MBTPS1: variants seen among roughly 807,000 people sequenced by gnomAD.
The protein encoded by MBTPS1 is membrane-bound transcription factor site-1 protease.
MBTPS1 carries 94 observed loss-of-function variants against 127.8 expected under a neutral mutation model. The observed-to-expected ratio is 0.74, with a 90% CI of 0.62 to 0.87. MBTPS1 has a LOEUF of 0.87. MBTPS1 is among the 40% of genes least tolerant of loss of function. MBTPS1 has a pLI of 0.00. For synonymous variants in MBTPS1, 632 were observed against 509.4 expected (o/e 1.24, Z -3.24); for missense variants, 1,636 against 1,353.2 (o/e 1.21, Z -3.28).
chr16:84,082,529 G>A (rs80329682), intron 10 of MBTPS1, among the ~76,000 whole-genome samples: 6,557 of 152,194 alleles, frequency 0.043, 224 homozygotes, highest in African/African-American at 0.085. Context: ...AGTGTGACCT[G>A]GCTAGGAACT....
At chr16:84,059,037 A>C (rs936894896) in intron 21 of MBTPS1, among the ~76,000 whole-genome samples, 3 of 152,082 alleles carry the variant, frequency 2.0e-5, no homozygotes, top group Non-Finnish European at 4.4e-5. Context: ...CCATGAAATC[A>C]CTCTGTTGGA....
At chr16:84,096,485 C>A (rs974695754) in intron 3 of MBTPS1, among the ~76,000 whole-genome samples, 3 of 152,166 alleles carry the variant, frequency 2.0e-5, no homozygotes, top group Non-Finnish European at 2.9e-5. Context: ...ATCTGTAAGT[C>A]TCTTTATTTT....
At chr16:84,097,856 G>GTGTA (rs756629460) in intron 3 of MBTPS1, among the ~76,000 whole-genome samples, 46 of 151,552 alleles carry the variant, frequency 3.0e-4, no homozygotes, top group Non-Finnish European at 5.5e-4. Context: ...GTGTGTGTGT[G>GTGTA]TGTGTGTGTG....
In MBTPS1 at chr16:84,070,588, C is replaced by G; in HGVS notation, c.1782G>C (p.Glu594Asp). 2 of 1,611,642 alleles carry G rather than the reference C, an allele frequency of 1.2e-6. No individual in the cohort carries two copies. The part of the protein sequence containing the change: ...MITVASPAET[E>D]SKNGAEQTST... ...AAGCCACTTTCCCGCATATCCCTAC[C>G]TCTGTCTCTGCTGGGGAAGCCACAG... Residue 594 changes from glutamate to aspartate, a missense_variant and splice_region_variant, in exon 13 of 23, where the codon GAG (glutamate) becomes GAC (aspartate). Glu to Asp is a conservative substitution (Grantham distance 45, BLOSUM62 2). Transcript: ENST00000343411.
chr16:84,093,296 C>A lies in MBTPS1; in HGVS notation c.738G>T (p.Gly246=). Residue 246 remains glycine, a splice_region_variant and synonymous_variant, in exon 6 of 23, where the codon GGG becomes GGT. Coordinates refer to ENST00000343411, the MANE Select transcript of MBTPS1 (RefSeq NM_003791.4). ...CTGCCACGAATGTGCCATGGCCCAA[C>A]CCTGCAGTCCATAAAGAAAACAATC... ...NWTNERTLDD[G]LGHGTFVAGV... is the part of the protein sequence containing the mutation. 6.3e-7 allele frequency: 1 copy of A among 1,599,166 alleles called. No homozygotes were observed. Among genetic ancestry groups the A allele is most frequent in the Non-Finnish European group, 8.6e-7 (1 of 1,166,288 alleles).
Position 84,054,390 on chromosome 16 carries a change from A to C in MBTPS1, c.*59T>G. ...ACCAGCCGCCACCACAGCTCGGCTC[A>C]CCCACCAGCGCCGTCCGTGAAGGCT... is the stretch of plus-strand genomic sequence containing the variant. On this transcript the variant is annotated 3_prime_UTR_variant, in exon 23 of 23. Transcript: ENST00000343411. 6.9e-7 allele frequency: 1 copy of C among 1,455,196 alleles called. No individual in the cohort carries two copies. The highest frequency in any genetic ancestry group is 1.4e-5 in the South Asian group (1 of 72,950). The allele number at this position is 1,455,196 out of a possible 1,614,324, so 90.1% of individuals were successfully genotyped here. A position where few individuals can be genotyped will look rare whatever the true frequency, so the allele number is the denominator to read the frequency against.
intron 8 of MBTPS1, among the ~76,000 whole-genome samples, chr16:84,088,333 C>T (rs1055725409): frequency 1.3e-5 from 2 of 151,958 alleles, no homozygotes; most frequent in African/African-American, 2.4e-5. Flanking sequence ...CCCAACACAC[C>T]GAGAAAAAGT....
chr16:84,076,598 T>C (rs1177214017), intron 11 of MBTPS1, among the ~76,000 whole-genome samples: 1 of 152,186 alleles, frequency 6.6e-6, no homozygotes, highest in East Asian at 1.9e-4. Flanking sequence ...GGTAGCAGCA[T>C]ATAAAATTAA....
Position 84,093,768 on chromosome 16 carries a change from G to C in MBTPS1, c.679C>G (p.His227Asp). The C allele has an allele frequency of 6.2e-7, 1 of 1,613,992 alleles. No homozygotes were observed. The highest frequency in any genetic ancestry group is 8.5e-7 in the Non-Finnish European group (1 of 1,179,982). The change falls in exon 5 of 23, where the codon CAC (histidine) becomes GAC (aspartate). Residue 227 changes from histidine to aspartate, a missense_variant. His to Asp is a moderately conservative substitution (Grantham distance 81). Coordinates refer to ENST00000343411, the MANE Select transcript of MBTPS1 (RefSeq NM_003791.4). ...GTTCTCTCCTTCACATTTTTGAAGT[G>C]GGGATGCTTCTCGCTCAGCCCAGTG... is the stretch of plus-strand genomic sequence containing the variant. ...FDTGLSEKHP[H>D]FKNVKERTNW... is the part of the protein sequence containing the mutation.
At chr16:84,088,873 T>C (rs2086066092) in intron 8 of MBTPS1, among the ~76,000 whole-genome samples, 1 of 152,148 alleles carries the variant, frequency 6.6e-6, no homozygotes, top group Non-Finnish European at 1.5e-5. Flanking sequence ...GTTCTGTCAC[T>C]TCAACAGCCA....
Position 84,059,213 on chromosome 16 carries a change from A to T in MBTPS1, c.2831+89T>A, listed in dbSNP as rs962225578. 6 of 1,474,392 alleles carry T rather than the reference A, an allele frequency of 4.1e-6. No individual in the cohort carries two copies. In the African/African-American group the frequency reaches 8.4e-5, roughly 21 times the overall value. 91.3% of individuals were successfully genotyped at this position (1,474,392 alleles called of 1,614,324 possible). A position where few individuals can be genotyped will look rare whatever the true frequency, so the allele number is the denominator to read the frequency against. On this transcript the variant is annotated intron_variant, in intron 21 of 22. Coordinates refer to ENST00000343411, the MANE Select transcript of MBTPS1 (RefSeq NM_003791.4). ...TTGAAGATCTGACAATTCGATAGTGATGTCAGTAAAATTCCATTCTCTCCT... is the reference window on the plus strand; with the variant it reads ...TTGAAGATCTGACAATTCGATAGTGTTGTCAGTAAAATTCCATTCTCTCCT...
chr16:84,073,617 T>A lies in MBTPS1; in HGVS notation c.1593+980A>T, dbSNP rs796171275. Among the ~76,000 whole-genome samples the A allele has an allele frequency of 7.8e-4, 119 of 152,310 alleles. 1 individual carries two copies. The highest frequency in any genetic ancestry group is 2.8e-3 in the African/African-American group (117 of 41,556). On this transcript the variant is annotated intron_variant, in intron 12 of 22. Coordinates refer to ENST00000343411, the MANE Select transcript of MBTPS1 (RefSeq NM_003791.4). ...GAGTTTTCTATGGTTTTTCCCTATT[T>A]TTTATTATTGTGATAGTGTCTACAT...
At chr16:84,101,144 G>T (rs990960051) in intron 2 of MBTPS1, among the ~76,000 whole-genome samples, 2 of 151,654 alleles carry the variant, frequency 1.3e-5, no homozygotes, top group African/African-American at 4.8e-5. Context: ...ACTAAAAATA[G>T]AAAAAATTAA....
At chr16:84,106,940 G>A (rs566634669) in intron 1 of MBTPS1, among the ~76,000 whole-genome samples, 9 of 152,296 alleles carry the variant, frequency 5.9e-5, no homozygotes, top group Non-Finnish European at 8.8e-5. Flanking sequence ...CTGGTTGCCC[G>A]ACTGGACCAG....
intron 2 of MBTPS1, among the ~76,000 whole-genome samples, chr16:84,099,556 T>C (rs1202570394): frequency 6.6e-6 from 1 of 151,940 alleles, no homozygotes; most frequent in African/African-American, 2.4e-5. Context: ...GAGGCTGACG[T>C]GGGCAGATTA....
intron 1 of MBTPS1, among the ~76,000 whole-genome samples, chr16:84,108,828 T>C (rs1436784007): frequency 6.6e-6 from 1 of 152,154 alleles, no homozygotes; most frequent in Non-Finnish European, 1.5e-5. Context: ...CAAATAAATA[T>C]TTTACATATA....
chr16:84,059,196 C>T, intron 21 of MBTPS1, 106 bp downstream of exon 21: 1 of 1,413,040 alleles, frequency 7.1e-7, no homozygotes, highest in Non-Finnish European at 9.6e-7. Context: ...GCTTGAAGAT[C>T]TGACAATTCG....
chr16:84,068,380 A>C lies in MBTPS1; in HGVS notation c.2030T>G (p.Val677Gly). Residue 677 changes from valine (V) to glycine (G), a missense_variant, in exon 15 of 23, where the codon GTC becomes GGC. Transcript: ENST00000343411. The stretch of plus-strand genomic sequence containing the variant: ...AAAACACGTGAAGGGGGCCCCGAGG[A>C]CCTCTACAAAGTAGCCCATGCTTCT... ...HLRSMGYFVE[V>G]LGAPFTCFDA... 1 of 1,614,220 alleles carries C rather than the reference A, an allele frequency of 6.2e-7. No homozygotes were observed.
rs11861599 is a variant in MBTPS1, at chr16:84,081,282, G to C, written c.1448+465C>G. ...AACAAAGCAGGGCCCAGGCCGGACG[G>C]GAGTACCACAGGAGCTGGCGAGATG... On this transcript the variant is annotated intron_variant, in intron 11 of 22. Coordinates refer to ENST00000343411, the MANE Select transcript of MBTPS1 (RefSeq NM_003791.4). Among the ~76,000 whole-genome samples the C allele has an allele frequency of 7.1e-3, 1,089 of 152,340 alleles. 12 individuals are homozygous for C. The highest frequency in any genetic ancestry group is 0.025 in the African/African-American group (1,029 of 41,568).
Sources: gnomAD v4.1 joint callset for allele counts (sites outside exome capture counted in the v4.1 genomes callset) on GRCh38, gnomAD v4.1.1 for gene constraint, MANE v1.5 for transcripts, NCBI Gene and HGNC (gene_info 2026-07-23, HGNC 2026-07-21) for gene names.